Variants in CADM3 observed in about 807,000 individuals in gnomAD.
The protein encoded by CADM3 is TSLC1-like 1.
In CADM3, 11 loss-of-function variants were observed where a neutral mutation model predicts 44.9. The ratio of observed to expected loss-of-function variants is 0.25; its 90% CI spans 0.15 to 0.41. CADM3 has a LOEUF of 0.41. CADM3 is among the 10% of genes least tolerant of loss of function. The pLI is 1.00. For missense variants in CADM3, 426 were observed against 512.0 expected, an observed-to-expected ratio of 0.83 and a Z score of 1.62; for synonymous variants, 207 against 205.2, an observed-to-expected ratio of 1.01 and a Z score of -0.08.
In CADM3 at chr1:159,193,644, G is replaced by A. The variant is rs540418811; in HGVS notation, c.520+84G>A. 1.8e-5 allele frequency: 28 copies of A among 1,580,544 alleles called. No homozygotes were observed. The South Asian group carries it at 2.9e-4, about 16-fold the overall frequency. ...GCCTGTCTGTGAACGTACACAGGAG[G>A]CATGGTATGGAAGAGAAAAGGGGAA... On this transcript the variant is annotated intron_variant, in intron 4 of 8. Coordinates refer to ENST00000368125, the MANE Select transcript of CADM3 (RefSeq NM_001127173.3).
intron 1 of CADM3, among the ~76,000 whole-genome samples, chr1:159,190,192 AC>A (rs934919486): frequency 5.3e-5 from 8 of 152,150 alleles, no homozygotes; most frequent in African/African-American, 1.9e-4. Flanking sequence ...TTCAAAGGGA[AC>A]CAGGGACAAA....
chr1:159,172,882 G>T (rs1443137898), intron 1 of CADM3, among the ~76,000 whole-genome samples: 1 of 152,098 alleles, frequency 6.6e-6, no homozygotes, highest in Non-Finnish European at 1.5e-5. Context: ...GGCTACTAAC[G>T]GTTAGTGGGA....
rs918102000 is a variant in CADM3 at position 159,192,729 on chromosome 1, A to G, written c.381A>G (p.Leu127=). The change falls in exon 3 of 9, where the codon CTA becomes CTG. Residue 127 remains leucine, a splice_region_variant and synonymous_variant. Transcript: ENST00000368125. ...CTGCCAAGTCCCTCGTCACTGTGCTAGGTGAGACTCCCAAACCCCAGTGTC... is the reference window on the plus strand; with the variant it reads ...CTGCCAAGTCCCTCGTCACTGTGCTGGGTGAGACTCCCAAACCCCAGTGTC... ...VRTAKSLVTV[L]GIPQKPIITG... is the part of the protein sequence containing the mutation. 2.5e-6 allele frequency: 4 copies of G among 1,611,036 alleles called. No individual in the cohort carries two copies. The highest frequency in any genetic ancestry group is 1.3e-5 in the African/African-American group (1 of 74,830).
intron 1 of CADM3, among the ~76,000 whole-genome samples, chr1:159,188,952 C>T (rs923100058): frequency 6.6e-6 from 1 of 152,068 alleles, no homozygotes; most frequent in African/African-American, 2.4e-5. Context: ...GAGGAGGTGA[C>T]GCAGGCCCTG....
Position 159,171,626 on chromosome 1 carries a change from G to T in CADM3, c.-140G>T, listed in dbSNP as rs1265234374. The T allele has an allele frequency of 5.0e-6, 2 of 396,744 alleles. No individual in the cohort carries two copies. Among genetic ancestry groups the T allele is most frequent in the East Asian group, 1.0e-4 (2 of 19,886 alleles). 24.6% of individuals were successfully genotyped at this position (396,744 alleles called of 1,614,324 possible). The stretch of plus-strand genomic sequence containing the variant: ...ACTGCAGCAGCGCCGGCTCCCTCCC[G>T]GTCCCCACCTCGGCCCCGGGCTCCG... On this transcript the variant is annotated 5_prime_UTR_variant, in exon 1 of 9. Coordinates refer to ENST00000368125, the MANE Select transcript of CADM3 (RefSeq NM_001127173.3).
intron 1 of CADM3, among the ~76,000 whole-genome samples, chr1:159,189,243 C>A (rs1649549096): frequency 1.3e-5 from 2 of 152,154 alleles, no homozygotes; most frequent in African/African-American, 4.8e-5. Context: ...TTCCACTCTG[C>A]AAAATAGGAA....
At chr1:159,184,664 T>C (rs1649350745) in intron 1 of CADM3, among the ~76,000 whole-genome samples, 1 of 152,176 alleles carries the variant, frequency 6.6e-6, no homozygotes, top group Admixed American at 6.5e-5. Flanking sequence ...GGACAATATA[T>C]AAACCAAGCA....
At chr1:159,179,490 T>C (rs541458785) in intron 1 of CADM3, among the ~76,000 whole-genome samples, 19 of 152,222 alleles carry the variant, frequency 1.2e-4, no homozygotes, top group Non-Finnish European at 1.9e-4. Context: ...TGAAGGCTGA[T>C]GTCTCAGGCA....
chr1:159,190,002 C>T (rs1049414516), intron 1 of CADM3: 2 of 664,368 alleles, frequency 3.0e-6, no homozygotes, highest in African/African-American at 3.7e-5. Context: ...TTCTCCTTTC[C>T]ATCTGACATT....
intron 5 of CADM3, chr1:159,194,344 A>C (rs1291959411): frequency 4.4e-6 from 1 of 229,878 alleles, no homozygotes; most frequent in Admixed American, 5.1e-5. Flanking sequence ...GTAAAACTTT[A>C]TTTACAAAAG....
intron 5 of CADM3, chr1:159,196,143 G>A (rs1375335197): frequency 5.7e-6 from 3 of 528,412 alleles, no homozygotes; most frequent in Admixed American, 6.5e-5. Flanking sequence ...ACCAAGGACA[G>A]ACCTTCCAGA....
chr1:159,184,354 C>T (rs1385015047), intron 1 of CADM3, among the ~76,000 whole-genome samples: 1 of 152,216 alleles, frequency 6.6e-6, no homozygotes, highest in Non-Finnish European at 1.5e-5. Flanking sequence ...CCTCCACCCA[C>T]CTGTCATGGT....
At chr1:159,196,057 G>T (rs891281381) in intron 5 of CADM3, 2 of 312,182 alleles carry the variant, frequency 6.4e-6, no homozygotes, top group Non-Finnish European at 1.2e-5. Flanking sequence ...TTTCCTATGT[G>T]CTAGGAGGTT....
At chr1:159,183,477 C>T (rs1436071385) in intron 1 of CADM3, among the ~76,000 whole-genome samples, 1 of 152,002 alleles carries the variant, frequency 6.6e-6, no homozygotes, top group African/African-American at 2.4e-5. Context: ...AGTAGCCCAG[C>T]CAGAAAGAGG....
intron 7 of CADM3, among the ~76,000 whole-genome samples, chr1:159,199,012 G>A (rs920995161): frequency 9.2e-5 from 14 of 152,226 alleles, no homozygotes; most frequent in African/African-American, 3.4e-4. Flanking sequence ...AGAGGCTTGG[G>A]GTTTCACTGG....
intron 8 of CADM3, 81 bp from the exon 9 acceptor site, chr1:159,200,723 T>G (rs1650148783): frequency 2.1e-6 from 2 of 963,292 alleles, no homozygotes; most frequent in African/African-American, 1.7e-5. Flanking sequence ...AGTGTGTGAG[T>G]GGGTGGGTGA....
chr1:159,189,215 C>T (rs925294925), intron 1 of CADM3, among the ~76,000 whole-genome samples: 2 of 152,194 alleles, frequency 1.3e-5, no homozygotes, highest in Middle Eastern at 3.4e-3. Flanking sequence ...TGACCCTGGG[C>T]GAGTCATTTC....
chr1:159,192,451 G>A, intron 2 of CADM3, 127 bp from the exon 3 acceptor site: 3 of 1,030,998 alleles, frequency 2.9e-6, no homozygotes, highest in Non-Finnish European at 4.4e-6. Context: ...CTTAAACTCA[G>A]GAGCAGTTAT....
intron 1 of CADM3, among the ~76,000 whole-genome samples, chr1:159,178,084 T>C (rs1237593854): frequency 6.6e-6 from 1 of 152,216 alleles, no homozygotes; most frequent in African/African-American, 2.4e-5. Context: ...TATAATACCA[T>C]ATACAATCTA....
Sources: allele counts gnomAD v4.1 joint callset (sites outside exome capture counted in the v4.1 genomes callset), GRCh38; gene constraint gnomAD v4.1.1; transcripts MANE v1.5; gene names NCBI Gene and HGNC (gene_info 2026-07-23, HGNC 2026-07-21).